Variants in SPSB1 observed in about 807,000 individuals in gnomAD.
SPSB1 encodes the protein SPRY domain-containing SOCS box protein 1.
SPSB1 carries 8 observed loss-of-function variants against 21.2 expected under a neutral mutation model. That is an observed-to-expected ratio of 0.38 (90% confidence interval 0.22 to 0.68). The LOEUF is 0.68. Among genes scored for constraint, SPSB1 ranks in the 30% least tolerant of loss-of-function variants. SPSB1 has a pLI of 0.53. For missense variants in SPSB1, 242 were observed against 377.8 expected (o/e 0.64, Z 2.98); for synonymous variants, 169 against 161.7 (o/e 1.05, Z -0.34).
At chr1:9,361,068 T>C (rs890680139) in intron 2 of SPSB1, among the ~76,000 whole-genome samples, 1 of 151,396 alleles carries the variant, frequency 6.6e-6, no homozygotes, top group Non-Finnish European at 1.5e-5. Context: ...AAGGGGGGTG[T>C]CCTGGTGAGA....
rs949465842 is a variant in SPSB1, at chr1:9,341,772, G to A, written c.-149-13971G>A. Among the ~76,000 whole-genome samples the A allele has an allele frequency of 6.6e-5, 10 of 152,172 alleles. No homozygotes were observed. The South Asian group carries it at 1.0e-3, about 16-fold the overall frequency. On this transcript the variant is annotated intron_variant, in intron 1 of 2. Coordinates refer to ENST00000328089, the MANE Select transcript of SPSB1 (RefSeq NM_025106.4). ...GGCTGGAGTACAATAGCGCGATCTCGTCTCACCGCAATCTCCACCTCCCGG... is the reference window on the plus strand; with the variant it reads ...GGCTGGAGTACAATAGCGCGATCTCATCTCACCGCAATCTCCACCTCCCGG...
chr1:9,352,335 G>A (rs1048945516), intron 1 of SPSB1, among the ~76,000 whole-genome samples: 7 of 152,146 alleles, frequency 4.6e-5, no homozygotes, highest in Non-Finnish European at 8.8e-5. Flanking sequence ...CCCACCATCC[G>A]GATAATGCCT....
intron 1 of SPSB1, among the ~76,000 whole-genome samples, chr1:9,347,564 T>A (rs1324236164): frequency 6.6e-6 from 1 of 152,254 alleles, no homozygotes; most frequent in African/African-American, 2.4e-5. Context: ...TAAATTCTGT[T>A]CTTTCAGAAA....
chr1:9,349,770 G>A (rs531989954), intron 1 of SPSB1, among the ~76,000 whole-genome samples: 18 of 152,316 alleles, frequency 1.2e-4, no homozygotes, highest in African/African-American at 4.1e-4. Flanking sequence ...CCAACCCACC[G>A]TTTTATGGCT....
chr1:9,323,416 C>T (rs753221058), intron 1 of SPSB1, among the ~76,000 whole-genome samples: 2 of 152,150 alleles, frequency 1.3e-5, no homozygotes, highest in Non-Finnish European at 1.5e-5. Flanking sequence ...CCTCGCGGCC[C>T]GTTGGCAGAG....
intron 2 of SPSB1, among the ~76,000 whole-genome samples, chr1:9,364,830 TTTG>T (rs34080098): frequency 1.2e-3 from 178 of 151,606 alleles, no homozygotes; most frequent in African/African-American, 4.1e-3. Context: ...TTGTTGTTGT[TTTG>T]TTGTTGTTGT....
chr1:9,348,563 C>T lies in SPSB1; in HGVS notation c.-149-7180C>T, dbSNP rs1028635203. Among the ~76,000 whole-genome samples, 4 of 152,060 alleles carry T rather than the reference C, an allele frequency of 2.6e-5. No individual in the cohort carries two copies. Among genetic ancestry groups the T allele is most frequent in the Non-Finnish European group, 5.9e-5 (4 of 67,990 alleles). On this transcript the variant is annotated intron_variant, in intron 1 of 2. Transcript: ENST00000328089. The surrounding 1 kb of genome is among the most constrained non-coding windows in gnomAD (Gnocchi z 4.8). ...ATCCCCTGGGATCAGCATTCATTTC[C>T]AGGCTTCCTTCCCTCTGTATCTGCA...
intron 1 of SPSB1, among the ~76,000 whole-genome samples, chr1:9,349,445 G>A (rs1352413140): frequency 2.0e-5 from 3 of 152,268 alleles, no homozygotes; most frequent in Non-Finnish European, 4.4e-5. Flanking sequence ...GGCTGTCCCA[G>A]CTGAGCTCAA....
rs928922166 is a variant in SPSB1, at chr1:9,317,923, C to T, written c.-150+24852C>T. ...TGCTTCCTTGGCACACCATTCGCTC[C>T]GCGAGTTTGTTAAGGGCCCCTGTGT... On this transcript the variant is annotated intron_variant, in intron 1 of 2. Coordinates refer to ENST00000328089, the MANE Select transcript of SPSB1 (RefSeq NM_025106.4). The surrounding 1 kb of genome is among the most constrained non-coding windows in gnomAD (Gnocchi z 4.3). Among the ~76,000 whole-genome samples, 3 of 151,752 alleles carry T rather than the reference C, an allele frequency of 2.0e-5. No homozygotes were observed. The highest frequency in any genetic ancestry group is 6.6e-5 in the Admixed American group (1 of 15,256).
At chr1:9,364,740 T>C (rs1640536433) in intron 2 of SPSB1, among the ~76,000 whole-genome samples, 8 of 152,260 alleles carry the variant, frequency 5.3e-5, no homozygotes. Context: ...TCAGGAGCTG[T>C]GGCTGTGACC....
At chr1:9,308,693 G>A (rs1230127214) in intron 1 of SPSB1, among the ~76,000 whole-genome samples, 1 of 152,154 alleles carries the variant, frequency 6.6e-6, no homozygotes, top group African/African-American at 2.4e-5. Flanking sequence ...AGTCCTGTGA[G>A]TTAGATGTTA....
At chr1:9,350,173 C>T (rs1640233804) in intron 1 of SPSB1, among the ~76,000 whole-genome samples, 1 of 152,250 alleles carries the variant, frequency 6.6e-6, no homozygotes, top group African/African-American at 2.4e-5. Flanking sequence ...GAAATACCCT[C>T]ACGGCATTTA....
At chr1:9,322,437 C>T (rs1639736457) in intron 1 of SPSB1, among the ~76,000 whole-genome samples, 1 of 152,162 alleles carries the variant, frequency 6.6e-6, no homozygotes, top group Non-Finnish European at 1.5e-5. Context: ...TTTTGTTATT[C>T]CTGTCCCAAA....
chr1:9,354,817 C>T (rs776895972), intron 1 of SPSB1, among the ~76,000 whole-genome samples: 8 of 151,870 alleles, frequency 5.3e-5, no homozygotes, highest in Non-Finnish European at 4.4e-5. Context: ...AAAAAGAATT[C>T]TTCCTGGGCT....
chr1:9,319,518 C>T (rs1639673606), intron 1 of SPSB1, among the ~76,000 whole-genome samples: 1 of 152,154 alleles, frequency 6.6e-6, no homozygotes, highest in African/African-American at 2.4e-5. Flanking sequence ...TTGTGGGACT[C>T]CTGGGCCACT....
rs1001170401 is a variant in SPSB1 at position 9,305,431 on chromosome 1, C to T, written c.-150+12360C>T. On this transcript the variant is annotated intron_variant, in intron 1 of 2. Coordinates refer to ENST00000328089, the MANE Select transcript of SPSB1 (RefSeq NM_025106.4). The surrounding 1 kb of genome is among the most constrained non-coding windows in gnomAD (Gnocchi z 4.8). ...CTGTGGGCTCCAGGAGGGCAGGACCCGGCCGGCCACATGGCTGTTGTTCAC... is the reference window on the plus strand; with the variant it reads ...CTGTGGGCTCCAGGAGGGCAGGACCTGGCCGGCCACATGGCTGTTGTTCAC... Among the ~76,000 whole-genome samples, 7 of 152,176 alleles carry T rather than the reference C, an allele frequency of 4.6e-5. No homozygotes were observed. Among genetic ancestry groups the T allele is most frequent in the Admixed American group, 2.6e-4 (4 of 15,284 alleles).
At chr1:9,343,361 T>C in intron 1 of SPSB1, among the ~76,000 whole-genome samples, 1 of 152,154 alleles carries the variant, frequency 6.6e-6, no homozygotes. Flanking sequence ...GTACAATGTG[T>C]GACCTTTTAT....
At chr1:9,320,743 ACCTT>A (rs1639708398) in intron 1 of SPSB1, among the ~76,000 whole-genome samples, 1 of 152,054 alleles carries the variant, frequency 6.6e-6, no homozygotes, top group African/African-American at 2.4e-5. Flanking sequence ...GCTGGCCACG[ACCTT>A]CCTTTTGAAG....
chr1:9,340,322 G>A (rs559577588), intron 1 of SPSB1, among the ~76,000 whole-genome samples: 2 of 152,188 alleles, frequency 1.3e-5, no homozygotes, highest in South Asian at 2.1e-4. Flanking sequence ...GGGACTGGCC[G>A]GAGCCCCGCG....
Sources: gnomAD v4.1 joint callset for allele counts (sites outside exome capture counted in the v4.1 genomes callset) on GRCh38, gnomAD v4.1.1 for gene constraint, Gnocchi (gnomAD v3.1) non-coding constraint, MANE v1.5 for transcripts, NCBI Gene and HGNC (gene_info 2026-07-23, HGNC 2026-07-21) for gene names.